FAT1: variants seen among roughly 807,000 people sequenced by gnomAD.
The protein encoded by FAT1 is FAT atypical cadherin 1.
A neutral mutation model predicts 329.8 loss-of-function variants in FAT1; 171 were observed. The observed-to-expected ratio is 0.52, with a 90% CI of 0.46 to 0.59. FAT1 has a LOEUF of 0.59. FAT1 is among the 20% of genes least tolerant of loss of function. The pLI, the probability that FAT1 is intolerant of heterozygous loss-of-function variation, is 0.00. For missense variants in FAT1, 5,672 were observed against 5,774.4 expected (o/e 0.98, Z 0.57); for synonymous variants, 2,233 against 2,228.6 (o/e 1.00, Z -0.06).
intron 2 of FAT1, among the ~76,000 whole-genome samples, chr4:186,697,740 T>A (rs1049056102): frequency 3.2e-4 from 48 of 152,218 alleles, no homozygotes; most frequent in African/African-American, 1.1e-3. Flanking sequence ...AAAATGCTTG[T>A]CACTGTCACT....
At chr4:186,600,946 A>T (rs1738785489) in intron 21 of FAT1, among the ~76,000 whole-genome samples, 1 of 152,234 alleles carries the variant, frequency 6.6e-6, no homozygotes. Flanking sequence ...TCCTGACCTC[A>T]AGTGATCCAC....
chr4:186,605,541 A>G (rs111205897), intron 17 of FAT1, among the ~76,000 whole-genome samples: 6,669 of 89,396 alleles, frequency 0.075, 339 homozygotes, highest in African/African-American at 0.12. Context: ...GGAGGAAGAG[A>G]AGGAGGAGGA....
rs572708850 is a variant in FAT1 at position 186,588,479 on chromosome 4, T to C, written c.*113A>G. ...AGAGGCGCAGGATCCAGCGCAGCCA[T>C]GCCCATTCGGCTCACCAAAAAAAGC... On this transcript the variant is annotated 3_prime_UTR_variant, in exon 27 of 27. Transcript: ENST00000441802. 1.0e-5 allele frequency: 13 copies of C among 1,289,884 alleles called. No individual in the cohort carries two copies. Among genetic ancestry groups the C allele is most frequent in the Non-Finnish European group, 1.2e-5 (11 of 955,780 alleles). 79.9% of individuals were successfully genotyped at this position (1,289,884 alleles called of 1,614,324 possible).
intron 17 of FAT1, among the ~76,000 whole-genome samples, chr4:186,605,401 T>G (rs1435139141): frequency 2.4e-4 from 14 of 57,704 alleles, no homozygotes; most frequent in Admixed American, 7.4e-4. Flanking sequence ...GACAGTGAAA[T>G]GGGGAGGAAG....
In FAT1 at chr4:186,618,133, A is replaced by G. The variant is rs2126491515; in HGVS notation, c.8453T>C (p.Ile2818Thr). 1.2e-6 allele frequency: 2 copies of G among 1,614,042 alleles called. No homozygotes were observed. The change falls in exon 10 of 27, where the codon ATT becomes ACT. Residue 2818 changes from isoleucine to threonine, a missense_variant. Physicochemically the swap from Ile to Thr is moderately conservative, Grantham distance 89. Transcript: ENST00000441802. ...ACTTCCCCCTGGCAGGTTTTCAACA[A>G]TGAATGCCTCATATGGACTAGATTC... ...VFESSPYEAFIVENLPGGSRV... is the reference protein window; with the variant it reads ...VFESSPYEAFTVENLPGGSRV...
rs141762779 is a variant in FAT1, at chr4:186,637,957, T to C, written c.3643-1043A>G. On this transcript the variant is annotated intron_variant, in intron 4 of 26. Transcript: ENST00000441802. ...TTTTAATTTTAAACTCTCGAAACAT[T>C]TCCTTTTCATCAGTTTGCATATGAG... Among the ~76,000 whole-genome samples the C allele has an allele frequency of 2.8e-3, 419 of 152,242 alleles. 3 individuals carry two copies. The highest frequency in any genetic ancestry group is 9.6e-3 in the African/African-American group (399 of 41,476).
chr4:186,703,284 G>A (rs1165060073), intron 2 of FAT1, among the ~76,000 whole-genome samples: 3 of 152,144 alleles, frequency 2.0e-5, no homozygotes, highest in African/African-American at 7.2e-5. Context: ...CTGTCCGTTT[G>A]GTGACAGATT....
At position 186,618,816 on chromosome 4, in the gene FAT1, A is replaced by G. The variant is rs2126499241; in HGVS notation, c.7770T>C (p.Asn2590=). The part of the protein sequence containing the change: ...CTVNVILTDD[N]DNAPQFRATK... ...TTGCTCGAAATTGTGGTGCATTGTC[A>G]TTGTCATCTGTAAGGATGACATTCA... The change falls in exon 10 of 27, where the codon AAT becomes AAC. Residue 2590 remains asparagine (N), a synonymous_variant. Coordinates refer to ENST00000441802, the MANE Select transcript of FAT1 (RefSeq NM_005245.4). The G allele has an allele frequency of 6.2e-7, 1 of 1,614,006 alleles. No individual in the cohort carries two copies. Among genetic ancestry groups the G allele is most frequent in the Non-Finnish European group, 8.5e-7 (1 of 1,179,870 alleles).
intron 3 of FAT1, among the ~76,000 whole-genome samples, chr4:186,660,607 C>T (rs1487021265): frequency 6.6e-6 from 1 of 152,218 alleles, no homozygotes; most frequent in Non-Finnish European, 1.5e-5. Flanking sequence ...CAGCGGAGTG[C>T]CTGTGCTCCC....
chr4:186,606,112 G>A lies in FAT1; in HGVS notation c.10308C>T (p.Asn3436=), dbSNP rs745964428. Residue 3436 remains asparagine (N), a synonymous_variant, in exon 17 of 27, where the codon AAC becomes AAT. Coordinates refer to ENST00000441802, the MANE Select transcript of FAT1 (RefSeq NM_005245.4). ...AGTTTCCCCTGGAGAAGACGGGCGC[G>A]TTGTCATTGACATCGGACACATCGA... ...VNIDVSDVND[N]APVFSRGNYS... 18 of 1,613,222 alleles carry A rather than the reference G, an allele frequency of 1.1e-5. No individual in the cohort carries two copies. The highest frequency in any genetic ancestry group is 1.1e-4 in the East Asian group (5 of 44,856).
At chr4:186,692,180 G>A (rs995506082) in intron 2 of FAT1, among the ~76,000 whole-genome samples, 3 of 152,158 alleles carry the variant, frequency 2.0e-5, no homozygotes, top group Admixed American at 2.0e-4. Context: ...CAAATCCTAA[G>A]ATTTCTATTT....
At position 186,618,399 on chromosome 4, in the gene FAT1, A is replaced by C. The variant is rs2126494615; in HGVS notation, c.8187T>G (p.His2729Gln). ...GTEIDLIRAE[H>Q]SGTVLYSLVK... Reference sequence around the variant, plus strand: ...CCAGGCTGTAAAGAACAGTCCCACTATGTTCTGCTCGGATGAGATCTATCT... The same window carrying C: ...CCAGGCTGTAAAGAACAGTCCCACTCTGTTCTGCTCGGATGAGATCTATCT... Residue 2729 changes from histidine (H) to glutamine (Q), a missense_variant, in exon 10 of 27, where the codon CAT (histidine) becomes CAG (glutamine). His to Gln is a conservative substitution (Grantham distance 24). Transcript: ENST00000441802. 6.2e-7 allele frequency: 1 copy of C among 1,613,990 alleles called. No individual in the cohort carries two copies. Among genetic ancestry groups the C allele is most frequent in the Non-Finnish European group, 8.5e-7 (1 of 1,179,882 alleles).
chr4:186,636,839 C>T lies in FAT1; in HGVS notation c.3718G>A (p.Asp1240Asn). The T allele has an allele frequency of 6.2e-7, 1 of 1,613,896 alleles. No individual in the cohort carries two copies. Among genetic ancestry groups the T allele is most frequent in the East Asian group, 2.2e-5 (1 of 44,884 alleles). Residue 1240 changes from aspartate to asparagine, a missense_variant, in exon 5 of 27, where the codon GAC becomes AAC. This residue lies in a region of FAT1 where 3,966 missense variants were observed against 3,915.2 expected (regional missense o/e 1.01). Transcript: ENST00000441802. ...RVIVKILDEN[D>N]NKPQFLQKFY... ...TTTTGCAGAAACTGAGGTTTGTTGT[C>T]ATTTTCATCAAGGATTTTCACAATG...
chr4:186,618,911 G>C lies in FAT1; in HGVS notation c.7675C>G (p.Pro2559Ala), dbSNP rs1475317239. 2 of 1,613,742 alleles carry C rather than the reference G, an allele frequency of 1.2e-6. No homozygotes were observed. Among genetic ancestry groups the C allele is most frequent in the East Asian group, 2.2e-5 (1 of 44,882 alleles). The change falls in exon 10 of 27, where the codon CCG (proline) becomes GCG (alanine). Residue 2559 changes from proline (P) to alanine (A), a missense_variant. Coordinates refer to ENST00000441802, the MANE Select transcript of FAT1 (RefSeq NM_005245.4). ...FTLEKLDRET[P>A]AEKVISVRLM... ...CGGACTGAGATCACTTTCTCCGCCG[G>C]GGTTTCTCGATCAAGTTTTTCCAAA...
chr4:186,715,374 C>G (rs1278480448), intron 1 of FAT1, among the ~76,000 whole-genome samples: 1 of 152,124 alleles, frequency 6.6e-6, no homozygotes, highest in Non-Finnish European at 1.5e-5. Flanking sequence ...ACATTCCTAA[C>G]TGAAATCTTT....
At chr4:186,651,807 G>A (rs1039799371) in intron 3 of FAT1, among the ~76,000 whole-genome samples, 8 of 152,132 alleles carry the variant, frequency 5.3e-5, no homozygotes, top group African/African-American at 7.2e-5. Context: ...GGAGATCTCC[G>A]CAGCACCGCA....
Position 186,619,599 on chromosome 4 carries a change from A to C in FAT1, c.6987T>G (p.Ser2329Arg). The C allele has an allele frequency of 6.2e-7, 1 of 1,613,666 alleles. No individual in the cohort carries two copies. Among genetic ancestry groups the C allele is most frequent in the Non-Finnish European group, 8.5e-7 (1 of 1,179,844 alleles). Reference sequence around the variant, plus strand: ...TGCTGTCTACATGAAAATGATCATGACTCTTGCTGTGATTCCCAAACATCT... The same window carrying C: ...TGCTGTCTACATGAAAATGATCATGCCTCTTGCTGTGATTCCCAAACATCT... Reference protein sequence around the residue: ...SYQMFGNHSKSHDHFHVDSST... With the variant: ...SYQMFGNHSKRHDHFHVDSST... The change falls in exon 10 of 27, where the codon AGT becomes AGG. Residue 2329 changes from serine to arginine, a missense_variant. Around this residue, in one of 2 missense-constraint regions of FAT1, gnomAD observed 3,966 missense variants for 3,915.2 expected, o/e 1.01. Coordinates refer to ENST00000441802, the MANE Select transcript of FAT1 (RefSeq NM_005245.4).
Position 186,636,057 on chromosome 4 carries a change from G to GCTCC in FAT1, c.4150_4151insGGAG (p.Pro1384ArgfsTer10). 1 of 1,613,980 alleles carries GCTCC rather than the reference G, an allele frequency of 6.2e-7. No individual in the cohort carries two copies. The highest frequency in any genetic ancestry group is 8.5e-7 in the Non-Finnish European group (1 of 1,179,892). On this transcript the variant is annotated frameshift_variant, in exon 6 of 27. Coordinates refer to ENST00000441802, the MANE Select transcript of FAT1 (RefSeq NM_005245.4). LOFTEE classifies it high-confidence loss of function. ...GTCAAACCAAAGGGGTATGCCAGGA[G>GCTCC]GCTCCACAGATATTACTCCAATCAT...
Position 186,598,097 on chromosome 4 carries a change from G to GAGA in FAT1, c.12131_12132insTCT (p.Tyr4044_Ile4045insLeu), listed in dbSNP as rs1553985994. ...CGCTTATCTCACAGTGGGTCCCTAT[G>GAGA]TACAAGGCACTGCATTTGCAGTAAT... On this transcript the variant is annotated inframe_insertion, in exon 23 of 27. Coordinates refer to ENST00000441802, the MANE Select transcript of FAT1 (RefSeq NM_005245.4). The GAGA allele has an allele frequency of 1.2e-6, 2 of 1,612,112 alleles. No individual in the cohort carries two copies. The highest frequency in any genetic ancestry group is 1.7e-6 in the Non-Finnish European group (2 of 1,179,456).
Sources: allele counts gnomAD v4.1 joint callset (sites outside exome capture counted in the v4.1 genomes callset), GRCh38; gene constraint gnomAD v4.1.1; regional missense constraint gnomAD v4.1.1; transcripts MANE v1.5; gene names NCBI Gene and HGNC (gene_info 2026-07-23, HGNC 2026-07-21).